The following PPFIA1 variants were observed in gnomAD, a reference collection of about 807,000 sequenced individuals.
The protein encoded by PPFIA1 is liprin-alpha-1.
A neutral mutation model predicts 149.9 loss-of-function variants in PPFIA1; 25 were observed. The ratio of observed to expected loss-of-function variants is 0.17; its 90% CI spans 0.12 to 0.23. The LOEUF (loss-of-function observed/expected upper bound fraction) is 0.23. PPFIA1 is among the 10% of genes least tolerant of loss of function. The probability of loss-of-function intolerance (pLI) is 1.00; values close to 1 mark genes in which losing one functional copy is unlikely to be tolerated. For synonymous variants in PPFIA1, 549 were observed against 552.8 expected, an observed-to-expected ratio of 0.99 and a Z score of 0.10; for missense variants, 1,362 against 1,506.5, an observed-to-expected ratio of 0.90 and a Z score of 1.59.
chr11:70,344,550 T>A (rs1276163963), intron 15 of PPFIA1, among the ~76,000 whole-genome samples: 2 of 152,230 alleles, frequency 1.3e-5, no homozygotes, highest in Non-Finnish European at 1.5e-5. Flanking sequence ...ACCTGCCGCA[T>A]GTGCAGCCTC....
chr11:70,337,403 G>C lies in PPFIA1; in HGVS notation c.1467G>C (p.Gln489His). 2 of 1,600,110 alleles carry C rather than the reference G, an allele frequency of 1.2e-6. No homozygotes were observed. Among genetic ancestry groups the C allele is most frequent in the Non-Finnish European group, 1.7e-6 (2 of 1,172,728 alleles). ...GAGAAGTTGAAAGTGCAAAAAAGCA[G>C]TTAGAAGAAACACAACACGATAAGG... ...LLREVESAKK[Q>H]LEETQHDKDQ... Residue 489 changes from glutamine (Q) to histidine (H), a missense_variant, in exon 12 of 28, where the codon CAG (glutamine) becomes CAC (histidine). By Grantham distance (24) the Gln-to-His change is conservative. Transcript: ENST00000253925.
rs752611402 is a variant in PPFIA1 at position 70,372,377 on chromosome 11, G to A, written c.3028G>A (p.Asp1010Asn). The A allele has an allele frequency of 1.5e-5, 25 of 1,614,018 alleles. No individual in the cohort carries two copies. The highest frequency in any genetic ancestry group is 4.0e-5 in the African/African-American group (3 of 74,912). The change falls in exon 22 of 28, where the codon GAC (aspartate) becomes AAC (asparagine). Residue 1010 changes from aspartate to asparagine, a missense_variant. This residue lies in a region of PPFIA1 where 349 missense variants were observed against 373.3 expected (regional missense o/e 0.93). Transcript: ENST00000253925. ...KDLRGQLKMVDSFHRNSFQCG... is the reference protein window; with the variant it reads ...KDLRGQLKMVNSFHRNSFQCG... Reference sequence around the variant, plus strand: ...CCTTCGAGGGCAGCTGAAAATGGTCGACAGTTTTCACAGGTAACTTAATGG... The same window carrying A: ...CCTTCGAGGGCAGCTGAAAATGGTCAACAGTTTTCACAGGTAACTTAATGG...
At chr11:70,287,169 G>T (rs2051202593) in intron 2 of PPFIA1, among the ~76,000 whole-genome samples, 1 of 151,860 alleles carries the variant, frequency 6.6e-6, no homozygotes, top group Non-Finnish European at 1.5e-5. Context: ...TTTCTAAAAT[G>T]CATGTACAGC....
chr11:70,342,937 T>C (rs1320013238), intron 14 of PPFIA1, among the ~76,000 whole-genome samples: 1 of 68,692 alleles, frequency 1.5e-5, no homozygotes, highest in Admixed American at 1.4e-4. Flanking sequence ...ATGTACCACC[T>C]TTTTTTTTTT....
chr11:70,295,821 C>T lies in PPFIA1; in HGVS notation c.264+23385C>T, dbSNP rs1488244511. Among the ~76,000 whole-genome samples, 7 of 151,450 alleles carry T rather than the reference C, an allele frequency of 4.6e-5. No individual in the cohort carries two copies. The East Asian group carries it at 9.9e-4, about 21-fold the overall frequency. ...CCTCCTGGACGGGGCGGCTGCTGGG[C>T]GGAGACGCTCCTCACTTCCCAGACG... On this transcript the variant is annotated intron_variant, in intron 2 of 27. Coordinates refer to ENST00000253925, the MANE Select transcript of PPFIA1 (RefSeq NM_003626.5).
chr11:70,288,181 C>G (rs960769918), intron 2 of PPFIA1, among the ~76,000 whole-genome samples: 5 of 151,320 alleles, frequency 3.3e-5, no homozygotes, highest in African/African-American at 1.2e-4. Context: ...TCAAGCAGTT[C>G]TCTGCCTCAG....
At chr11:70,366,313 A>G (rs574866504) in intron 21 of PPFIA1, among the ~76,000 whole-genome samples, 1 of 152,348 alleles carries the variant, frequency 6.6e-6, no homozygotes, top group Non-Finnish European at 1.5e-5. Context: ...ATTACAAGAT[A>G]TACTGATAGG....
At chr11:70,282,486 T>C (rs1159085351) in intron 2 of PPFIA1, 3 of 152,480 alleles carry the variant, frequency 2.0e-5, no homozygotes, top group African/African-American at 7.3e-5. Context: ...TTCTATGACT[T>C]GATCCCATGT....
chr11:70,333,558 G>A lies in PPFIA1; in HGVS notation c.1296+5G>A, dbSNP rs1405645171. ...AAGAATCAAGAACTGCAGCGGGTGAGCATGCAGCCCTGAGGGTGGGGGCGC... is the reference window on the plus strand; with the variant it reads ...AAGAATCAAGAACTGCAGCGGGTGAACATGCAGCCCTGAGGGTGGGGGCGC... On this transcript the variant is annotated splice_donor_5th_base_variant and intron_variant, in intron 10 of 27. Transcript: ENST00000253925. The A allele has an allele frequency of 1.4e-5, 22 of 1,609,058 alleles. No individual in the cohort carries two copies. In the East Asian group the frequency reaches 3.1e-4, roughly 23 times the overall value.
At chr11:70,299,571 T>G (rs886163492) in intron 2 of PPFIA1, among the ~76,000 whole-genome samples, 1 of 152,176 alleles carries the variant, frequency 6.6e-6, no homozygotes, top group African/African-American at 2.4e-5. Context: ...TTCTGGATGC[T>G]CCGGGGACCT....
intron 2 of PPFIA1, among the ~76,000 whole-genome samples, chr11:70,279,724 T>G (rs775070745): frequency 2.4e-4 from 15 of 63,442 alleles, no homozygotes; most frequent in South Asian, 1.9e-3. Context: ...TGTGTCTAGG[T>G]GTGTGTGTGT....
At chr11:70,296,632 G>A (rs2052046813) in intron 2 of PPFIA1, among the ~76,000 whole-genome samples, 1 of 151,694 alleles carries the variant, frequency 6.6e-6, no homozygotes, top group African/African-American at 2.4e-5. Flanking sequence ...GATGGCAGCA[G>A]TACAGTCCAG....
At chr11:70,280,423 G>A (rs928113553) in intron 2 of PPFIA1, among the ~76,000 whole-genome samples, 2 of 151,978 alleles carry the variant, frequency 1.3e-5, no homozygotes, top group African/African-American at 4.8e-5. Flanking sequence ...ACAAAAAATA[G>A]CCGGGCATGG....
At chr11:70,347,321 A>G (rs1014610872) in intron 15 of PPFIA1, among the ~76,000 whole-genome samples, 5 of 152,318 alleles carry the variant, frequency 3.3e-5, no homozygotes, top group Middle Eastern at 3.4e-3. Context: ...TTGTGTAAAT[A>G]AGTAAAATCA....
intron 4 of PPFIA1, chr11:70,325,274 G>T: frequency 2.3e-6 from 1 of 442,412 alleles, no homozygotes; most frequent in East Asian, 3.7e-5. Flanking sequence ...AATTACTTTT[G>T]CAACAACCTG....
In PPFIA1 at chr11:70,354,442, G is replaced by A. The variant is rs752639532; in HGVS notation, c.2305G>A (p.Asp769Asn). The A allele has an allele frequency of 2.5e-6, 4 of 1,613,354 alleles. No individual in the cohort carries two copies. The highest frequency in any genetic ancestry group is 1.7e-5 in the Admixed American group (1 of 59,860). ...CACCGTCAGCCACGAGGACATCAGG[G>A]ACATAAGGAAGTAAGGAGCCTGCAG... Reference protein sequence around the residue: ...LHTVSHEDIRDIRNSTGSQDG... With the variant: ...LHTVSHEDIRNIRNSTGSQDG... Residue 769 changes from aspartate to asparagine, a missense_variant, in exon 17 of 28, where the codon GAC becomes AAC. Physicochemically the swap from Asp to Asn is conservative, Grantham distance 23. Transcript: ENST00000253925.
At chr11:70,297,462 G>T (rs956622520) in intron 2 of PPFIA1, among the ~76,000 whole-genome samples, 3 of 152,118 alleles carry the variant, frequency 2.0e-5, no homozygotes, top group African/African-American at 7.2e-5. Context: ...GAAACATATG[G>T]TGTCCACAGT....
chr11:70,325,426 C>A, intron 4 of PPFIA1, 74 bp from the exon 5 acceptor site: 1 of 939,334 alleles, frequency 1.1e-6, no homozygotes. Flanking sequence ...GTATATATTA[C>A]ACTTAACTAT....
intron 2 of PPFIA1, among the ~76,000 whole-genome samples, chr11:70,322,461 A>G (rs914264201): frequency 4.6e-5 from 7 of 151,850 alleles, no homozygotes; most frequent in Admixed American, 2.0e-4. Flanking sequence ...GCCTCTCCCT[A>G]CCCTCCTCCC....
Sources: allele counts gnomAD v4.1 joint callset (sites outside exome capture counted in the v4.1 genomes callset), GRCh38; gene constraint gnomAD v4.1.1; regional missense constraint gnomAD v4.1.1; transcripts MANE v1.5; gene names NCBI Gene and HGNC (gene_info 2026-07-23, HGNC 2026-07-21).